Variants in ZFHX3 observed in about 807,000 individuals in gnomAD.
ZFHX3 encodes the protein zinc finger homeobox protein 3.
Under a neutral mutation model 279.1 loss-of-function variants are expected in ZFHX3, and 42 were observed. The ratio of observed to expected loss-of-function variants is 0.15; its 90% CI spans 0.12 to 0.19. The LOEUF (loss-of-function observed/expected upper bound fraction) is 0.19, where lower values mean the gene tolerates loss of function less well. ZFHX3 is among the 10% of genes least tolerant of loss of function. ZFHX3 has a pLI of 1.00. For synonymous variants in ZFHX3, 2,293 were observed against 1,957.8 expected, an observed-to-expected ratio of 1.17 and a Z score of -4.52; for missense variants, 4,981 against 4,754.0, an observed-to-expected ratio of 1.05 and a Z score of -1.40.
chr16:73,165,520 A>G (rs1398774873), intron 5 of ZFHX3, among the ~76,000 whole-genome samples: 2 of 152,170 alleles, frequency 1.3e-5, no homozygotes, highest in African/African-American at 4.8e-5. Flanking sequence ...GCAGAATAAA[A>G]TGGCAAACTT....
chr16:73,675,221 A>G (rs2052942639), intron 2 of ZFHX3, among the ~76,000 whole-genome samples: 1 of 152,096 alleles, frequency 6.6e-6, no homozygotes, highest in Non-Finnish European at 1.5e-5. Flanking sequence ...TTAAAGCCAT[A>G]TTCTCACAAG....
Position 72,890,572 on chromosome 16 carries a change from C to A in ZFHX3, c.3217-610G>T, listed in dbSNP as rs181881797. ...TTTGAAAAAACACAGCAAGCTGATA[C>A]CCATTCCTATCTCCCCCAAATGGCC... On this transcript the variant is annotated intron_variant, in intron 3 of 9. Transcript: ENST00000268489. Among the ~76,000 whole-genome samples, 15 of 152,114 alleles carry A rather than the reference C, an allele frequency of 9.9e-5. 1 individual carries two copies. Among genetic ancestry groups the A allele is most frequent in the Admixed American group, 9.8e-4 (15 of 15,290 alleles).
rs1462626289 is a variant in ZFHX3, at chr16:72,831,843, T to C, written c.3449-1984A>G. Among the ~76,000 whole-genome samples the C allele has an allele frequency of 7.2e-5, 11 of 152,230 alleles. No individual in the cohort carries two copies. In the East Asian group the frequency reaches 2.1e-3, roughly 29 times the overall value. On this transcript the variant is annotated intron_variant, in intron 4 of 9. Transcript: ENST00000268489. Reference sequence around the variant, plus strand: ...TGATACAAAATATCTGTAGTGTTGATACATTTATGCCTATTGTTCCATTAT... The same window carrying C: ...TGATACAAAATATCTGTAGTGTTGACACATTTATGCCTATTGTTCCATTAT...
At position 73,131,842 on chromosome 16, in the gene ZFHX3, G is replaced by A. The variant is rs558845644; in HGVS notation, c.-1023-748C>T. The stretch of plus-strand genomic sequence containing the variant: ...CCTTTCCCAGCAAGTTGCATTTTCT[G>A]GGAAATGGGGATCAAAAATCTTGGC... On this transcript the variant is annotated intron_variant, in intron 6 of 17. Coordinates refer to the ZFHX3 transcript ENST00000641206. Among the ~76,000 whole-genome samples the A allele has an allele frequency of 1.1e-4, 17 of 152,258 alleles. No homozygotes were observed. In the East Asian group the frequency reaches 3.3e-3, roughly 29 times the overall value.
chr16:73,120,649 C>CTTTTT lies in ZFHX3; in HGVS notation c.-897+10318_-897+10319insAAAAA, dbSNP rs140219846. ...TTGTTTTTCTGCCCTATCCTCTCTA[C>CTTTTT]CTTTTTTTTTTTTTTTTTTTTTTGA... On this transcript the variant is annotated intron_variant, in intron 7 of 17. Coordinates refer to the ZFHX3 transcript ENST00000641206. Among the ~76,000 whole-genome samples, 51 of 106,208 alleles carry CTTTTT rather than the reference C, an allele frequency of 4.8e-4. 8 individuals carry two copies. Among genetic ancestry groups the CTTTTT allele is most frequent in the Non-Finnish European group, 5.9e-4 (30 of 50,564 alleles). The allele number at this position is 106,208 out of a possible 152,430, so 69.7% of individuals were successfully genotyped here.
chr16:73,283,350 T>C (rs769802493), intron 4 of ZFHX3, among the ~76,000 whole-genome samples: 7 of 152,256 alleles, frequency 4.6e-5, no homozygotes, highest in Non-Finnish European at 1.0e-4. Flanking sequence ...CAGGGACACG[T>C]GTTGAGCCCT....
chr16:72,978,568 C>G (rs570330091), intron 1 of ZFHX3, among the ~76,000 whole-genome samples: 1 of 152,272 alleles, frequency 6.6e-6, no homozygotes, highest in South Asian at 2.1e-4. Context: ...ATTGGAAGTG[C>G]TCTCCTCCCA....
chr16:73,653,827 G>A (rs1040290836), intron 2 of ZFHX3, among the ~76,000 whole-genome samples: 1 of 152,122 alleles, frequency 6.6e-6, no homozygotes, highest in African/African-American at 2.4e-5. Context: ...AAGGTAAAAG[G>A]CATTGAAGAA....
At chr16:73,196,531 G>A (rs1218474355) in intron 5 of ZFHX3, among the ~76,000 whole-genome samples, 1 of 151,650 alleles carries the variant, frequency 6.6e-6, no homozygotes, top group Non-Finnish European at 1.5e-5. Context: ...AAGGACAAGG[G>A]AAACATTAAT....
At chr16:73,263,606 C>T (rs111889400) in intron 4 of ZFHX3, among the ~76,000 whole-genome samples, 57 of 152,232 alleles carry the variant, frequency 3.7e-4, no homozygotes, top group African/African-American at 1.3e-3. Flanking sequence ...GCCTGTGATC[C>T]TACAAATGGA....
intron 2 of ZFHX3, among the ~76,000 whole-genome samples, chr16:73,663,460 C>G (rs2052805653): frequency 2.6e-5 from 4 of 152,236 alleles, no homozygotes; most frequent in Admixed American, 2.6e-4. Context: ...GCACAAAGAT[C>G]TAGTTTCCAG....
intron 1 of ZFHX3, among the ~76,000 whole-genome samples, chr16:73,003,463 G>A (rs1411233722): frequency 6.6e-6 from 1 of 151,830 alleles, no homozygotes; most frequent in Non-Finnish European, 1.5e-5. Flanking sequence ...CAAGGTGGGT[G>A]GATCATCTGA....
chr16:73,682,507 C>T (rs964602889), intron 1 of ZFHX3, among the ~76,000 whole-genome samples: 13 of 151,948 alleles, frequency 8.6e-5, no homozygotes, highest in Admixed American at 5.2e-4. Context: ...AAAGGTAGGC[C>T]GGGTGCGGTG....
intron 2 of ZFHX3, among the ~76,000 whole-genome samples, chr16:73,632,543 G>T (rs1007938734): frequency 6.6e-6 from 1 of 151,934 alleles, no homozygotes; most frequent in Non-Finnish European, 1.5e-5. Context: ...AAAATTAGCT[G>T]GGCATGGTGG....
chr16:73,466,380 G>A (rs574167027), intron 2 of ZFHX3, among the ~76,000 whole-genome samples: 1 of 152,304 alleles, frequency 6.6e-6, no homozygotes, highest in African/African-American at 2.4e-5. Context: ...CCACTTTGGA[G>A]ACTGAGGTGG....
intron 5 of ZFHX3, among the ~76,000 whole-genome samples, chr16:72,813,100 G>A (rs2036509462): frequency 6.6e-6 from 1 of 152,072 alleles, no homozygotes; most frequent in African/African-American, 2.4e-5. Context: ...TCCATAACCT[G>A]GTCAATATCT....
chr16:73,346,012 T>C (rs2016117287), intron 3 of ZFHX3, among the ~76,000 whole-genome samples: 1 of 152,104 alleles, frequency 6.6e-6, no homozygotes, highest in Non-Finnish European at 1.5e-5. Context: ...TGGGGAGGGC[T>C]CCCAGGCCAG....
chr16:72,893,978 C>T (rs1204199765), intron 3 of ZFHX3, among the ~76,000 whole-genome samples: 2 of 151,866 alleles, frequency 1.3e-5, no homozygotes, highest in Non-Finnish European at 2.9e-5. Flanking sequence ...GATGAAACCC[C>T]GTCTCTATAA....
chr16:72,938,837 T>A (rs1271120048), intron 3 of ZFHX3, among the ~76,000 whole-genome samples: 1 of 152,132 alleles, frequency 6.6e-6, no homozygotes, highest in Non-Finnish European at 1.5e-5. Flanking sequence ...CAGCCATCAC[T>A]AATGTGAACC....
Sources: allele counts gnomAD v4.1 joint callset (sites outside exome capture counted in the v4.1 genomes callset), GRCh38; gene constraint gnomAD v4.1.1; transcripts MANE v1.5; gene names NCBI Gene and HGNC (gene_info 2026-07-23, HGNC 2026-07-21).